The following EYS variants were observed in gnomAD, a reference collection of about 807,000 sequenced individuals.
EYS encodes the protein EGF-like photoreceptor maintenance factor.
In EYS, 250 loss-of-function variants were observed where a neutral mutation model predicts 282.1. The ratio of observed to expected loss-of-function variants is 0.89; its 90% CI spans 0.80 to 0.98. The LOEUF (loss-of-function observed/expected upper bound fraction) is 0.98. EYS is among the 50% of genes least tolerant of loss of function. The pLI is 0.00. For synonymous variants in EYS, 1,355 were observed against 1,282.9 expected (o/e 1.06, Z -1.20); for missense variants, 4,016 against 3,709.0 (o/e 1.08, Z -2.15).
chr6:64,025,738 G>T (rs913021996), intron 33 of EYS, among the ~76,000 whole-genome samples: 4 of 152,172 alleles, frequency 2.6e-5, no homozygotes, highest in African/African-American at 9.7e-5. Context: ...GCCTCAGAAA[G>T]TGTATCCTTC....
chr6:65,389,551 G>A (rs570155459), intron 7 of EYS, among the ~76,000 whole-genome samples: 2 of 152,232 alleles, frequency 1.3e-5, no homozygotes, highest in South Asian at 4.1e-4. Context: ...AAATGTTCCA[G>A]CTGAGAATTT....
At chr6:65,032,058 A>G (rs1468336699) in intron 13 of EYS, among the ~76,000 whole-genome samples, 1 of 152,158 alleles carries the variant, frequency 6.6e-6, no homozygotes, top group Non-Finnish European at 1.5e-5. Flanking sequence ...CCCCACAGAT[A>G]AAAACAAAAA....
intron 29 of EYS, among the ~76,000 whole-genome samples, chr6:64,329,762 G>T (rs753525681): frequency 6.6e-6 from 1 of 152,052 alleles, no homozygotes; most frequent in Non-Finnish European, 1.5e-5. Flanking sequence ...CGGTGTTAAA[G>T]CCCCCCGGAG....
intron 19 of EYS, among the ~76,000 whole-genome samples, chr6:64,854,015 G>A (rs937479889): frequency 7.2e-5 from 11 of 151,928 alleles, no homozygotes; most frequent in African/African-American, 2.7e-4. Context: ...ATCATCACTG[G>A]CCATCAGAGA....
chr6:64,658,097 C>T (rs564965557), intron 22 of EYS, among the ~76,000 whole-genome samples: 2 of 152,250 alleles, frequency 1.3e-5, no homozygotes, highest in South Asian at 4.1e-4. Context: ...TGCTTCATTT[C>T]ATTCATTTGA....
intron 2 of EYS, among the ~76,000 whole-genome samples, chr6:65,588,837 T>C (rs1218952023): frequency 6.6e-6 from 1 of 152,090 alleles, no homozygotes; most frequent in African/African-American, 2.4e-5. Context: ...AGGGATCATA[T>C]ATAATTTGGA....
chr6:64,385,377 ATCAATGAGGGGCTGACATAAAATCTT>A (rs1055983231), intron 29 of EYS, among the ~76,000 whole-genome samples: 1 of 152,190 alleles, frequency 6.6e-6, no homozygotes, highest in African/African-American at 2.4e-5. Flanking sequence ...AGAATAAAAA[ATCAATGAGGGGCTGACATAAAATCTT>A]TCAACTACAG....
intron 22 of EYS, among the ~76,000 whole-genome samples, chr6:64,640,141 C>G (rs1432914713): frequency 1.4e-5 from 2 of 147,816 alleles, no homozygotes; most frequent in East Asian, 2.0e-4. Flanking sequence ...CTAGTTCAAC[C>G]ATTGTGGAAG....
chr6:64,796,071 G>T (rs969853242), intron 22 of EYS, among the ~76,000 whole-genome samples: 7 of 152,140 alleles, frequency 4.6e-5, no homozygotes, highest in Non-Finnish European at 8.8e-5. Context: ...AACTGCTCAC[G>T]CATGAAACAA....
At chr6:65,372,668 T>A (rs1160878160) in intron 8 of EYS, among the ~76,000 whole-genome samples, 1 of 152,104 alleles carries the variant, frequency 6.6e-6, no homozygotes, top group Non-Finnish European at 1.5e-5. Context: ...AGGCCATTTA[T>A]ATTATTAATA....
intron 31 of EYS, among the ~76,000 whole-genome samples, chr6:64,083,502 G>A (rs1772045224): frequency 2.0e-5 from 3 of 152,136 alleles, no homozygotes. Flanking sequence ...GTTAGCTGCT[G>A]TTTCTGACCC....
intron 26 of EYS, among the ~76,000 whole-genome samples, chr6:64,488,724 G>A (rs148709852): frequency 6.0e-5 from 9 of 151,096 alleles, no homozygotes; most frequent in Admixed American, 4.0e-4. Context: ...AAAAGTAAAC[G>A]TAGCAGAGGC....
At chr6:63,887,749 G>A (rs902996412) in intron 35 of EYS, among the ~76,000 whole-genome samples, 1 of 136,136 alleles carries the variant, frequency 7.3e-6, no homozygotes, top group Non-Finnish European at 1.7e-5. Context: ...CAGCCACTGA[G>A]CTAGATGCAG....
rs569728452 is a variant in EYS, at chr6:64,188,190, T to C, written c.6424+42402A>G. Among the ~76,000 whole-genome samples, 5 of 152,220 alleles carry C rather than the reference T, an allele frequency of 3.3e-5. No homozygotes were observed. In the South Asian group the frequency reaches 1.0e-3, roughly 32 times the overall value. ...TATAAAGTTCCACAGATGAAATTAATCTCATCCTTTTTACCTTGCCAACAT... is the reference window on the plus strand; with the variant it reads ...TATAAAGTTCCACAGATGAAATTAACCTCATCCTTTTTACCTTGCCAACAT... On this transcript the variant is annotated intron_variant, in intron 31 of 42. Coordinates refer to ENST00000503581, the MANE Select transcript of EYS (RefSeq NM_001142800.2).
intron 28 of EYS, among the ~76,000 whole-genome samples, chr6:64,393,888 G>T (rs1270999265): frequency 6.6e-6 from 1 of 151,806 alleles, no homozygotes; most frequent in African/African-American, 2.4e-5. Context: ...AAACCCCATT[G>T]TCTCAGCCCA....
Position 64,517,336 on chromosome 6 carries a change from C to T in EYS, c.5644+72887G>A, listed in dbSNP as rs576978459. 3.3e-5 allele frequency among the ~76,000 whole-genome samples: 5 copies of T among 151,758 alleles called. No individual in the cohort carries two copies. The East Asian group carries it at 9.7e-4, about 30-fold the overall frequency. Reference sequence around the variant, plus strand: ...TAACTGTACACTGTAGGATAATTTGCCAGGAGAGAATTTTGGGAAGATTTT... The same window carrying T: ...TAACTGTACACTGTAGGATAATTTGTCAGGAGAGAATTTTGGGAAGATTTT... On this transcript the variant is annotated intron_variant, in intron 26 of 42. Coordinates refer to ENST00000503581, the MANE Select transcript of EYS (RefSeq NM_001142800.2).
At chr6:64,960,265 A>G (rs1769867105) in intron 14 of EYS, among the ~76,000 whole-genome samples, 1 of 152,170 alleles carries the variant, frequency 6.6e-6, no homozygotes, top group Admixed American at 6.6e-5. Flanking sequence ...ATCTTTGATT[A>G]TGTAGAATAT....
intron 13 of EYS, among the ~76,000 whole-genome samples, chr6:65,039,465 T>A (rs917249014): frequency 4.0e-5 from 6 of 151,536 alleles, no homozygotes; most frequent in Non-Finnish European, 7.4e-5. Flanking sequence ...TTGGCCATTA[T>A]ATGTTTATAC....
chr6:63,849,074 G>A (rs1055065533), intron 36 of EYS, among the ~76,000 whole-genome samples: 1 of 152,232 alleles, frequency 6.6e-6, no homozygotes, highest in Non-Finnish European at 1.5e-5. Context: ...CCATTGGGAA[G>A]TTCAGACTAG....
Sources: gnomAD v4.1 joint callset for allele counts (sites outside exome capture counted in the v4.1 genomes callset) on GRCh38, gnomAD v4.1.1 for gene constraint, MANE v1.5 for transcripts, NCBI Gene and HGNC (gene_info 2026-07-23, HGNC 2026-07-21) for gene names.